Variants in NIN observed in about 807,000 individuals in gnomAD.
NIN encodes glycogen synthase kinase 3 beta-interacting protein.
A neutral mutation model predicts 257.6 loss-of-function variants in NIN; 137 were observed. That is an observed-to-expected ratio of 0.53 (90% CI 0.46 to 0.61). The LOEUF (loss-of-function observed/expected upper bound fraction) is 0.61, where lower values mean the gene tolerates loss of function less well. NIN is among the 20% of genes least tolerant of loss of function. NIN has a pLI of 0.00. For synonymous variants in NIN, 918 were observed against 919.8 expected (o/e 1.00, Z 0.04); for missense variants, 2,439 against 2,501.2 (o/e 0.98, Z 0.53).
intron 4 of NIN, among the ~76,000 whole-genome samples, chr14:50,803,901 TTC>T (rs1491108070): frequency 1.2e-4 from 11 of 91,614 alleles, no homozygotes; most frequent in Non-Finnish European, 2.3e-4. Context: ...TTCTTTTTTC[TTC>T]TTTTTTTTTT....
At chr14:50,826,219 G>C (rs905306949) in intron 2 of NIN, among the ~76,000 whole-genome samples, 2 of 152,190 alleles carry the variant, frequency 1.3e-5, no homozygotes, top group African/African-American at 4.8e-5. Context: ...TTGCAAAGAA[G>C]AGCTCCAGTG....
At chr14:50,813,490 T>C (rs916545411) in intron 3 of NIN, among the ~76,000 whole-genome samples, 4 of 152,256 alleles carry the variant, frequency 2.6e-5, no homozygotes, top group African/African-American at 7.2e-5. Flanking sequence ...TTTTTTGTCA[T>C]GTGTCACCAC....
chr14:50,794,103 C>T (rs1340817191), intron 4 of NIN, among the ~76,000 whole-genome samples: 1 of 152,192 alleles, frequency 6.6e-6, no homozygotes, highest in Non-Finnish European at 1.5e-5. Context: ...TCCTTTATCA[C>T]CATTGAAACC....
chr14:50,723,038 T>C lies in NIN; in HGVS notation c.*425A>G, dbSNP rs1053421536. 6.5e-5 allele frequency: 14 copies of C among 214,888 alleles called. No individual in the cohort carries two copies. Among genetic ancestry groups the C allele is most frequent in the African/African-American group, 2.7e-4 (12 of 44,044 alleles). 13.3% of individuals were successfully genotyped at this position (214,888 alleles called of 1,614,324 possible). A position where few individuals can be genotyped will look rare whatever the true frequency, so the allele number is the denominator to read the frequency against. On this transcript the variant is annotated 3_prime_UTR_variant, in exon 31 of 31. Transcript: ENST00000530997. ...ATAATGACTTTCCAGTATTTAAATA[T>C]GTAAGAACACCTAAATTTGGTTTTA... is the stretch of plus-strand genomic sequence containing the variant.
At chr14:50,822,807 C>A (rs1024251213) in intron 2 of NIN, among the ~76,000 whole-genome samples, 2 of 152,198 alleles carry the variant, frequency 1.3e-5, no homozygotes, top group African/African-American at 4.8e-5. Flanking sequence ...GAAGAATATT[C>A]CCAGAAGCTT....
intron 27 of NIN, among the ~76,000 whole-genome samples, chr14:50,737,638 TTG>T (rs1320985614): frequency 7.3e-6 from 1 of 136,930 alleles, no homozygotes; most frequent in Non-Finnish European, 1.5e-5. Flanking sequence ...TTGTGGTTTT[TTG>T]TTGTTGTTTT....
In NIN at chr14:50,730,486, C is replaced by A. The variant is rs544787285; in HGVS notation, c.5878-763G>T. Reference sequence around the variant, plus strand: ...TGCAACAAACATTACCAAGACTAAACTCAAGAAGCGGCACCTCCAGGCTTG... The same window carrying A: ...TGCAACAAACATTACCAAGACTAAAATCAAGAAGCGGCACCTCCAGGCTTG... On this transcript the variant is annotated intron_variant, in intron 28 of 30. Coordinates refer to ENST00000530997, the MANE Select transcript of NIN (RefSeq NM_020921.4). Among the ~76,000 whole-genome samples, 24 of 152,204 alleles carry A rather than the reference C, an allele frequency of 1.6e-4. No homozygotes were observed. In the South Asian group the frequency reaches 1.9e-3, roughly 12 times the overall value.
At chr14:50,793,033 T>C (rs1188287103) in intron 4 of NIN, 152 bp from the exon 5 acceptor site, 1 of 707,214 alleles carries the variant, frequency 1.4e-6, no homozygotes, top group African/African-American at 1.8e-5. Flanking sequence ...ATATGAGCCA[T>C]CAGGTCAGAT....
intron 27 of NIN, among the ~76,000 whole-genome samples, chr14:50,737,135 C>T (rs184337583): frequency 2.0e-5 from 3 of 152,124 alleles, no homozygotes; most frequent in South Asian, 2.1e-4. Flanking sequence ...GTATGTCACT[C>T]GCAGGATTAG....
At chr14:50,808,780 C>T (rs181185225) in intron 3 of NIN, among the ~76,000 whole-genome samples, 88 of 152,190 alleles carry the variant, frequency 5.8e-4, no homozygotes, top group African/African-American at 1.9e-3. Context: ...TTTATAATAC[C>T]GCTTCCCTGT....
At position 50,752,716 on chromosome 14, in the gene NIN, G is replaced by C; in HGVS notation, c.4752C>G (p.Ile1584Met). The change falls in exon 21 of 31, where the codon ATC becomes ATG. Residue 1584 changes from isoleucine (I) to methionine (M), a missense_variant. Ile to Met is a conservative substitution (Grantham distance 10). Around this residue, in one of 3 missense-constraint regions of NIN, gnomAD observed 2,043 missense variants for 2,050.2 expected, o/e 1.00. Coordinates refer to ENST00000530997, the MANE Select transcript of NIN (RefSeq NM_020921.4). The part of the protein sequence containing the change: ...NLKKQISELK[I>M]KNQQLDLENT... ...TTTCCAAATCCAATTGTTGGTTTTT[G>C]ATTTTTAATTCTGAAATCTAATTAA... The C allele has an allele frequency of 6.4e-7, 1 of 1,554,328 alleles. No homozygotes were observed. The highest frequency in any genetic ancestry group is 8.7e-7 in the Non-Finnish European group (1 of 1,147,902).
rs1187270961 is a variant in NIN, at chr14:50,758,282, G to A, written c.2748C>T (p.Leu916=). ...NSMVVERQQL[L]QDLEDLRNVS... ...CATTTCTTAGGTCTTCCAGGTCTTGGAGTAGCTGCTGTCTCTCGACGACCA... is the reference window on the plus strand; with the variant it reads ...CATTTCTTAGGTCTTCCAGGTCTTGAAGTAGCTGCTGTCTCTCGACGACCA... Residue 916 remains leucine, a synonymous_variant, in exon 18 of 31, where the codon CTC becomes CTT. Coordinates refer to ENST00000530997, the MANE Select transcript of NIN (RefSeq NM_020921.4). The A allele has an allele frequency of 1.9e-6, 3 of 1,614,070 alleles. No homozygotes were observed. The highest frequency in any genetic ancestry group is 1.7e-5 in the Admixed American group (1 of 59,994).
intron 3 of NIN, 70 bp downstream of exon 3, chr14:50,821,804 G>C: frequency 7.8e-7 from 1 of 1,283,300 alleles, no homozygotes; most frequent in Non-Finnish European, 1.1e-6. Flanking sequence ...TGTGTGGTCC[G>C]CCCCACCCCC....
At chr14:50,747,267 C>T (rs1437965733) in intron 22 of NIN, among the ~76,000 whole-genome samples, 2 of 152,144 alleles carry the variant, frequency 1.3e-5, no homozygotes, top group African/African-American at 4.8e-5. Flanking sequence ...CAGAAAAAGG[C>T]AGAAGGATCA....
rs1195415981 is a variant in NIN at position 50,760,017 on chromosome 14, T to C, written c.2239A>G (p.Ser747Gly). Residue 747 changes from serine (S) to glycine (G), a missense_variant, in exon 17 of 31, where the codon AGT becomes GGT. This residue lies in a region of NIN where 2,043 missense variants were observed against 2,050.2 expected (regional missense o/e 1.00). Transcript: ENST00000530997. ...ACCTTCTCTTCTGTCCAGGCGCTAC[T>C]CTGAAGGCCTTCCCTCTCCCGCTCA... ...SFEREREGLQ[S>G]SAWTEEKVRG... The C allele has an allele frequency of 1.9e-6, 3 of 1,614,242 alleles. No homozygotes were observed. The Admixed American group carries it at 5.0e-5, about 27-fold the overall frequency.
Position 50,760,271 on chromosome 14 carries a change from G to C in NIN, c.1985C>G (p.Thr662Arg). The C allele has an allele frequency of 6.2e-7, 1 of 1,610,574 alleles. No individual in the cohort carries two copies. Among genetic ancestry groups the C allele is most frequent in the Non-Finnish European group, 8.5e-7 (1 of 1,179,936 alleles). The change falls in exon 17 of 31, where the codon ACG (threonine) becomes AGG (arginine). Residue 662 changes from threonine (T) to arginine (R), a missense_variant. Physicochemically the swap from Thr to Arg is moderately conservative, Grantham distance 71. This residue lies in a region of NIN where 2,043 missense variants were observed against 2,050.2 expected (regional missense o/e 1.00). Coordinates refer to ENST00000530997, the MANE Select transcript of NIN (RefSeq NM_020921.4). ...ACTTATTTGTTTTTCTAAGGTGTGC[G>C]TTTCGTTCTCATGCCTTTGCTTCAT... ...ENMKQRHENE[T>R]HTLEKQISDL...
chr14:50,772,436 G>A lies in NIN; in HGVS notation c.846C>T (p.Thr282=). 2 of 1,614,188 alleles carry A rather than the reference G, an allele frequency of 1.2e-6. No individual in the cohort carries two copies. Among genetic ancestry groups the A allele is most frequent in the Non-Finnish European group, 1.7e-6 (2 of 1,180,034 alleles). ...SFDESGRRTT[T]SSAMTSTIGF... ...CAATGGTACTTGTCATTGCTGATGA[G>A]GTTGTGGTACGTCGTCCACTCTCAT... Residue 282 remains threonine (T), a synonymous_variant, in exon 9 of 31, where the codon ACC becomes ACT. Transcript: ENST00000530997.
Position 50,756,653 on chromosome 14 carries a change from T to G in NIN, c.4377A>C (p.Thr1459=). The G allele has an allele frequency of 6.4e-7, 1 of 1,553,702 alleles. No individual in the cohort carries two copies. The highest frequency in any genetic ancestry group is 2.4e-5 in the East Asian group (1 of 41,074). ...ACTTCCTAGTCAGCTCCTGTAACTTTGTTTTCTCCAGTTCTAACTCTGCTA... is the reference window on the plus strand; with the variant it reads ...ACTTCCTAGTCAGCTCCTGTAACTTGGTTTTCTCCAGTTCTAACTCTGCTA... ...ATIAELELEK[T]KLQELTRKLK... The change falls in exon 18 of 31, where the codon ACA becomes ACC. Residue 1459 remains threonine, a synonymous_variant. Transcript: ENST00000530997.
At position 50,736,665 on chromosome 14, in the gene NIN, G is replaced by A. The variant is rs998528935; in HGVS notation, c.5776-1048C>T. On this transcript the variant is annotated intron_variant, in intron 27 of 30. Coordinates refer to ENST00000530997, the MANE Select transcript of NIN (RefSeq NM_020921.4). Reference sequence around the variant, plus strand: ...TATCACAGACTTTTCTCCCCCTAATGAGCAGCTAAATGAAACCCATTTTCT... The same window carrying A: ...TATCACAGACTTTTCTCCCCCTAATAAGCAGCTAAATGAAACCCATTTTCT... 3.9e-5 allele frequency among the ~76,000 whole-genome samples: 6 copies of A among 152,222 alleles called. No homozygotes were observed. In the East Asian group the frequency reaches 9.7e-4, roughly 24 times the overall value.
Sources: gnomAD v4.1 joint callset for allele counts (sites outside exome capture counted in the v4.1 genomes callset) on GRCh38, gnomAD v4.1.1 for gene constraint, gnomAD v4.1.1 regional missense constraint, MANE v1.5 for transcripts, NCBI Gene and HGNC (gene_info 2026-07-23, HGNC 2026-07-21) for gene names.